Variants in FNDC3B observed in about 807,000 individuals in gnomAD.
FNDC3B encodes the protein fibronectin type III domain-containing protein 3B.
In FNDC3B, 12 loss-of-function variants were observed where a neutral mutation model predicts 151.5. The observed-to-expected ratio is 0.08, with a 90% CI of 0.05 to 0.13. FNDC3B has a LOEUF of 0.13. Ranked by LOEUF, FNDC3B falls within the 10% of genes least tolerant of loss-of-function variation. The pLI is 1.00. For synonymous variants in FNDC3B, 528 were observed against 549.0 expected (o/e 0.96, Z 0.54); for missense variants, 1,214 against 1,505.3 (o/e 0.81, Z 3.20).
chr3:172,354,536 A>G (rs952505806), intron 22 of FNDC3B, among the ~76,000 whole-genome samples: 1 of 151,588 alleles, frequency 6.6e-6, no homozygotes. Flanking sequence ...CTTAAGACCA[A>G]CTGGTTTATA....
chr3:172,289,000 A>G (rs993802327), intron 7 of FNDC3B, among the ~76,000 whole-genome samples: 5 of 152,136 alleles, frequency 3.3e-5, no homozygotes, highest in Admixed American at 6.5e-5. Flanking sequence ...CTCTCCACCT[A>G]TATGTTTCCT....
intron 2 of FNDC3B, among the ~76,000 whole-genome samples, chr3:172,125,507 C>G (rs1046917795): frequency 6.6e-6 from 1 of 152,118 alleles, no homozygotes; most frequent in Non-Finnish European, 1.5e-5. Context: ...GTTCCTCCCC[C>G]GTGGGAGTCT....
chr3:172,228,499 AT>A (rs1726709434), intron 4 of FNDC3B, among the ~76,000 whole-genome samples: 1 of 152,040 alleles, frequency 6.6e-6, no homozygotes, highest in Non-Finnish European at 1.5e-5. Flanking sequence ...TATTGCTGTG[AT>A]TACATTAAAT....
chr3:172,174,944 C>CCCCCCCCACCCCG (rs924176605), intron 3 of FNDC3B, among the ~76,000 whole-genome samples: 1 of 50,654 alleles, frequency 2.0e-5, no homozygotes, highest in Admixed American at 1.8e-4. Flanking sequence ...CCCCCCCCCC[C>CCCCCCCCACCCCG]CCAATACAAT....
chr3:172,362,571 C>T (rs566103785), intron 22 of FNDC3B, 62 bp from the exon 23 acceptor site: 30 of 1,214,306 alleles, frequency 2.5e-5, no homozygotes, highest in South Asian at 8.6e-5. Flanking sequence ...ATGTTTATTT[C>T]GAATGAAGAA....
intron 3 of FNDC3B, among the ~76,000 whole-genome samples, chr3:172,178,942 A>G (rs1723744887): frequency 6.6e-6 from 1 of 152,206 alleles, no homozygotes; most frequent in Non-Finnish European, 1.5e-5. Flanking sequence ...TTAAATATGA[A>G]TACCATATTG....
rs1367698053 is a variant in FNDC3B at position 172,397,418 on chromosome 3, C to G, written c.3558C>G (p.Gly1186=). The G allele has an allele frequency of 4.3e-6, 7 of 1,613,498 alleles. No individual in the cohort carries two copies. Among genetic ancestry groups the G allele is most frequent in the Admixed American group, 1.7e-5 (1 of 59,940 alleles). ...DEQFAAIIVL[G]FATLSILFAF... is the part of the protein sequence containing the mutation. ...AGTTTGCAGCCATCATTGTGCTTGG[C>G]TTTGCAACTTTGTCCATTTTATTTG... The change falls in exon 26 of 26, where the codon GGC becomes GGG. Residue 1186 remains glycine (G), a synonymous_variant. Coordinates refer to ENST00000415807, the MANE Select transcript of FNDC3B (RefSeq NM_022763.4).
chr3:172,307,242 A>C, intron 9 of FNDC3B, 121 bp from the exon 10 acceptor site: 1 of 996,016 alleles, frequency 1.0e-6, no homozygotes, highest in South Asian at 1.4e-5. Context: ...GAGCAAGAGC[A>C]TGATACTCAC....
intron 3 of FNDC3B, among the ~76,000 whole-genome samples, chr3:172,219,540 A>G (rs1198234340): frequency 6.6e-6 from 1 of 152,212 alleles, no homozygotes; most frequent in African/African-American, 2.4e-5. Context: ...TTATGCAACC[A>G]CTACCTCTGT....
chr3:172,246,332 T>A (rs1727774489), intron 4 of FNDC3B, among the ~76,000 whole-genome samples: 2 of 152,222 alleles, frequency 1.3e-5, no homozygotes, highest in African/African-American at 4.8e-5. Flanking sequence ...GGCCCTGACC[T>A]AGAGGCCATC....
Position 172,186,834 on chromosome 3 carries a change from C to T in FNDC3B, c.188-40037C>T, listed in dbSNP as rs150139768. ...ATATTTCTTCATTACGAGCACTTCG[C>T]GGTGTGGCTTTTCAATGTCTGAAGT... is the stretch of plus-strand genomic sequence containing the variant. On this transcript the variant is annotated intron_variant, in intron 3 of 25. Coordinates refer to ENST00000415807, the MANE Select transcript of FNDC3B (RefSeq NM_022763.4). The T allele has an allele frequency of 2.9e-3, 1,913 of 666,408 alleles. 23 individuals carry two copies. The African/African-American group carries it at 0.029, about 10-fold the overall frequency. 41.3% of individuals were successfully genotyped at this position (666,408 alleles called of 1,614,324 possible). A position where few individuals can be genotyped will look rare whatever the true frequency, so the allele number is the denominator to read the frequency against.
intron 6 of FNDC3B, among the ~76,000 whole-genome samples, chr3:172,275,602 A>G (rs1291346395): frequency 5.3e-5 from 8 of 152,212 alleles, no homozygotes; most frequent in Non-Finnish European, 1.2e-4. Context: ...TAGAGAATAA[A>G]ATGGAAAAGC....
intron 1 of FNDC3B, among the ~76,000 whole-genome samples, chr3:172,044,063 A>G (rs951862295): frequency 1.3e-5 from 2 of 152,248 alleles, no homozygotes; most frequent in African/African-American, 2.4e-5. Context: ...TTTTACTCTC[A>G]GTGTATAGAA....
In FNDC3B at chr3:172,070,053, C is replaced by G. The variant is rs535126244; in HGVS notation, c.-29+30282C>G. On this transcript the variant is annotated intron_variant, in intron 1 of 25. Coordinates refer to ENST00000415807, the MANE Select transcript of FNDC3B (RefSeq NM_022763.4). ...GTCAAGCTACTGCTTCCATTCCAGT[C>G]TCTGAATTCCAGGTCCCCTGCTCCC... Among the ~76,000 whole-genome samples, 791 of 152,294 alleles carry G rather than the reference C, an allele frequency of 5.2e-3. 8 individuals carry two copies. The highest frequency in any genetic ancestry group is 0.018 in the African/African-American group (755 of 41,574).
At chr3:172,140,713 ATG>A (rs1456253322) in intron 3 of FNDC3B, among the ~76,000 whole-genome samples, 1 of 152,202 alleles carries the variant, frequency 6.6e-6, no homozygotes, top group Admixed American at 6.5e-5. Flanking sequence ...GGATTGTGTA[ATG>A]TCATGAGGCT....
At chr3:172,211,703 A>T (rs1398031956) in intron 3 of FNDC3B, among the ~76,000 whole-genome samples, 1 of 152,240 alleles carries the variant, frequency 6.6e-6, no homozygotes, top group Non-Finnish European at 1.5e-5. Context: ...AACAGAATTC[A>T]GATTTCTGCC....
intron 1 of FNDC3B, among the ~76,000 whole-genome samples, chr3:172,047,813 T>G (rs1716437447): frequency 6.6e-6 from 1 of 151,894 alleles, no homozygotes; most frequent in Non-Finnish European, 1.5e-5. Context: ...GGTTTTGGAG[T>G]TTTTCTATTG....
intron 1 of FNDC3B, among the ~76,000 whole-genome samples, chr3:172,075,059 A>G (rs954346442): frequency 6.6e-6 from 1 of 152,212 alleles, no homozygotes; most frequent in Non-Finnish European, 1.5e-5. Context: ...GTCTTCTAAA[A>G]CATTGAAGGA....
intron 11 of FNDC3B, among the ~76,000 whole-genome samples, chr3:172,328,341 A>G (rs972034427): frequency 1.3e-5 from 2 of 152,242 alleles, no homozygotes; most frequent in Non-Finnish European, 2.9e-5. Context: ...GCAGACGTGG[A>G]CAAAATGATT....
Sources: allele counts gnomAD v4.1 joint callset (sites outside exome capture counted in the v4.1 genomes callset), GRCh38; gene constraint gnomAD v4.1.1; transcripts MANE v1.5; gene names NCBI Gene and HGNC (gene_info 2026-07-23, HGNC 2026-07-21).